The following VPS33B variants were observed in gnomAD, a reference collection of about 807,000 sequenced individuals.
The protein encoded by VPS33B is vacuolar protein sorting-associated protein 33B.
In VPS33B, 80 loss-of-function variants were observed where a neutral mutation model predicts 95.3. That is an observed-to-expected ratio of 0.84 (90% confidence interval 0.70 to 1.01). VPS33B has a LOEUF of 1.01. VPS33B is among the 50% of genes least tolerant of loss of function. The pLI is 0.00. For missense variants in VPS33B, 715 were observed against 773.4 expected, an observed-to-expected ratio of 0.92 and a Z score of 0.90; for synonymous variants, 280 against 280.4, an observed-to-expected ratio of 1.00 and a Z score of 0.01.
At position 90,998,986 on chromosome 15, in the gene VPS33B, C is replaced by G. The variant is rs763669338; in HGVS notation, c.1843G>C (p.Val615Leu). The stretch of plus-strand genomic sequence containing the variant: ...GGCCGGGAAAAACATCAGGCTTTCA[C>G]CTCACTCATGGCCTCCATAAGGCGA... ...SARLMEAMSE[V>L]KA The change falls in exon 23 of 23, where the codon GTG becomes CTG. Residue 615 changes from valine (V) to leucine (L), a missense_variant. Transcript: ENST00000333371. The surrounding 1 kb of genome is among the most constrained non-coding windows in gnomAD (Gnocchi z 4.8). 5.0e-6 allele frequency: 8 copies of G among 1,614,028 alleles called. No individual in the cohort carries two copies. The highest frequency in any genetic ancestry group is 2.7e-5 in the African/African-American group (2 of 74,920).
chr15:91,005,032 C>A lies in VPS33B; in HGVS notation c.1170+23G>T, dbSNP rs1378555216. 6.2e-7 allele frequency: 1 copy of A among 1,614,218 alleles called. No individual in the cohort carries two copies. The highest frequency in any genetic ancestry group is 2.2e-5 in the East Asian group (1 of 44,886). On this transcript the variant is annotated intron_variant, in intron 15 of 22. Coordinates refer to ENST00000333371, the MANE Select transcript of VPS33B (RefSeq NM_018668.5). This position sits in a 1 kb window ranked among gnomAD's most constrained non-coding sequence, Gnocchi z 6.4. ...CCACCTCTAAATGCCATTCTTGGCA[C>A]CCCCAGCCCTCCACCTGCGCACCTG...
chr15:91,007,750 C>T lies in VPS33B; in HGVS notation c.498+120G>A. On this transcript the variant is annotated intron_variant, in intron 7 of 22. Transcript: ENST00000333371. The surrounding 1 kb of genome is among the most constrained non-coding windows in gnomAD (Gnocchi z 5.3). Reference sequence around the variant, plus strand: ...AATCTGTAGCACTCAATCACCACATCACTATCACTTGTGATAAATTACTTG... The same window carrying T: ...AATCTGTAGCACTCAATCACCACATTACTATCACTTGTGATAAATTACTTG... 8.6e-7 allele frequency: 1 copy of T among 1,166,690 alleles called. No individual in the cohort carries two copies. Among genetic ancestry groups the T allele is most frequent in the Non-Finnish European group, 1.3e-6 (1 of 777,304 alleles). The allele number at this position is 1,166,690 out of a possible 1,614,324, so 72.3% of individuals were successfully genotyped here.
In VPS33B at chr15:91,000,137, T is replaced by G. The variant is rs1346481712; in HGVS notation, c.1582-162A>C. Among the ~76,000 whole-genome samples the G allele has an allele frequency of 1.3e-5, 2 of 152,140 alleles. No homozygotes were observed. Among genetic ancestry groups the G allele is most frequent in the African/African-American group, 4.8e-5 (2 of 41,434 alleles). On this transcript the variant is annotated intron_variant, in intron 20 of 22. Transcript: ENST00000333371. This position sits in a 1 kb window ranked among gnomAD's most constrained non-coding sequence, Gnocchi z 4.9. ...GCTCACGCCTGTAATTCCAACACTT[T>G]AGGAGTTTGAGGCGGGGGGATCACC...
rs796637381 is a variant in VPS33B at position 91,016,375 on chromosome 15, CTTTTTTTT to C, written c.239+580_239+587del. Among the ~76,000 whole-genome samples, 15 of 96,012 alleles carry C rather than the reference CTTTTTTTT, an allele frequency of 1.6e-4. No homozygotes were observed. In the South Asian group the frequency reaches 1.7e-3, roughly 11 times the overall value. The allele number at this position is 96,012 out of a possible 152,430, so 63.0% of individuals were successfully genotyped here. ...GTAATAAGAGGCCTTGCAGATTCTT[CTTTTTTTT>C]TTTTTTTTTTTTTTTTTGAGATGGA... On this transcript the variant is annotated intron_variant, in intron 3 of 22. Transcript: ENST00000333371.
Position 91,002,367 on chromosome 15 carries a change from G to A in VPS33B, c.1273-185C>T, listed in dbSNP as rs1381594153. 1.3e-5 allele frequency among the ~76,000 whole-genome samples: 2 copies of A among 152,212 alleles called. No homozygotes were observed. The highest frequency in any genetic ancestry group is 3.9e-4 in the East Asian group (2 of 5,194). Reference sequence around the variant, plus strand: ...GGGCTGGGAGCGGTGGCTCATGCCTGTAATCCCAGCACTTTGGGTTTGGGA... The same window carrying A: ...GGGCTGGGAGCGGTGGCTCATGCCTATAATCCCAGCACTTTGGGTTTGGGA... On this transcript the variant is annotated intron_variant, in intron 17 of 22. Transcript: ENST00000333371. The surrounding 1 kb of genome is among the most constrained non-coding windows in gnomAD (Gnocchi z 4.7).
rs2040942563 is a variant in VPS33B at position 91,016,873 on chromosome 15, T to C, written c.239+90A>G. Reference sequence around the variant, plus strand: ...TTGTAAAGTTCAGGGAGGTGAACCATATATCTCAGCCAAGGACAGATGAAA... The same window carrying C: ...TTGTAAAGTTCAGGGAGGTGAACCACATATCTCAGCCAAGGACAGATGAAA... On this transcript the variant is annotated intron_variant, in intron 3 of 22. Coordinates refer to ENST00000333371, the MANE Select transcript of VPS33B (RefSeq NM_018668.5). 1.7e-5 allele frequency: 22 copies of C among 1,259,272 alleles called. No homozygotes were observed. In the South Asian group the frequency reaches 2.3e-4, roughly 13 times the overall value. 78.0% of individuals were successfully genotyped at this position (1,259,272 alleles called of 1,614,324 possible).
Position 90,999,221 on chromosome 15 carries a change from TA to T in VPS33B, c.1775-168del. On this transcript the variant is annotated intron_variant, in intron 22 of 22. Transcript: ENST00000333371. This position sits in a 1 kb window ranked among gnomAD's most constrained non-coding sequence, Gnocchi z 5.1. ...GCACCACTGCTTTCTATGACTGGTA[TA>T]ACTGGGCTCCCTGCTGTGGCAGCCC... is the stretch of plus-strand genomic sequence containing the variant. 2.8e-6 allele frequency: 2 copies of T among 710,884 alleles called. No individual in the cohort carries two copies. The highest frequency in any genetic ancestry group is 5.0e-6 in the Non-Finnish European group (2 of 399,458). The allele number at this position is 710,884 out of a possible 1,614,324, so 44.0% of individuals were successfully genotyped here. A position where few individuals can be genotyped will look rare whatever the true frequency, so the allele number is the denominator to read the frequency against.
chr15:91,005,312 G>T lies in VPS33B; in HGVS notation c.1105+68C>A. On this transcript the variant is annotated intron_variant, in intron 14 of 22. Transcript: ENST00000333371. This position sits in a 1 kb window ranked among gnomAD's most constrained non-coding sequence, Gnocchi z 6.4. The stretch of plus-strand genomic sequence containing the variant: ...AAGAGCCAGAGAACATCTTTTAAGG[G>T]TGGGACGGGGCTGGGAGCTGGGGAA... 6.2e-7 allele frequency: 1 copy of T among 1,613,808 alleles called. No individual in the cohort carries two copies.
Position 91,022,376 on chromosome 15 carries a change from G to C in VPS33B, c.-127C>G. ...GCACCGACTTCCAGAGACCCCAGAT[G>C]GGCCCTCGCTCCTCAGCAGCACTCC... On this transcript the variant is annotated 5_prime_UTR_variant, in exon 1 of 23. Transcript: ENST00000333371. 1.1e-6 allele frequency: 1 copy of C among 875,448 alleles called. No homozygotes were observed. Among genetic ancestry groups the C allele is most frequent in the South Asian group, 1.8e-5 (1 of 55,990 alleles). 54.2% of individuals were successfully genotyped at this position (875,448 alleles called of 1,614,324 possible). A position where few individuals can be genotyped will look rare whatever the true frequency, so the allele number is the denominator to read the frequency against.
chr15:91,006,495 T>C lies in VPS33B; in HGVS notation c.779-50A>G, dbSNP rs776606775. 1.3e-4 allele frequency: 209 copies of C among 1,612,808 alleles called. No homozygotes were observed. The highest frequency in any genetic ancestry group is 1.8e-4 in the Non-Finnish European group (208 of 1,178,942). On this transcript the variant is annotated intron_variant, in intron 10 of 22. Coordinates refer to ENST00000333371, the MANE Select transcript of VPS33B (RefSeq NM_018668.5). The surrounding 1 kb of genome is among the most constrained non-coding windows in gnomAD (Gnocchi z 5.4). ...TAGGATCTCCAATGAGGACTTCTCC[T>C]ACCATTCCCTGAACTGCCATAAAGG...
chr15:91,005,379 C>G lies in VPS33B; in HGVS notation c.1105+1G>C. 2.5e-6 allele frequency: 4 copies of G among 1,614,152 alleles called. No homozygotes were observed. Among genetic ancestry groups the G allele is most frequent in the Non-Finnish European group, 3.4e-6 (4 of 1,180,034 alleles). ...TAGCACAGCAAGGCTGCGGCAGTTA[C>G]CATGCTCAGTCTTGATTAGCTCCTG... On this transcript the variant is annotated splice_donor_variant, in intron 14 of 22. Coordinates refer to ENST00000333371, the MANE Select transcript of VPS33B (RefSeq NM_018668.5). LOFTEE classifies it high-confidence loss of function. The surrounding 1 kb of genome is among the most constrained non-coding windows in gnomAD (Gnocchi z 6.4).
In VPS33B at chr15:91,007,814, C is replaced by T; in HGVS notation, c.498+56G>A. ...TTATATTGGTATTTCTAGCCCTCTG[C>T]ATCCCACATTTGTCCCCATCCCCTG... On this transcript the variant is annotated intron_variant, in intron 7 of 22. Coordinates refer to ENST00000333371, the MANE Select transcript of VPS33B (RefSeq NM_018668.5). The surrounding 1 kb of genome is among the most constrained non-coding windows in gnomAD (Gnocchi z 5.3). 6.6e-7 allele frequency: 1 copy of T among 1,506,580 alleles called. No individual in the cohort carries two copies. The highest frequency in any genetic ancestry group is 1.1e-5 in the South Asian group (1 of 88,900). The allele number at this position is 1,506,580 out of a possible 1,614,324, so 93.3% of individuals were successfully genotyped here.
chr15:91,004,512 TAA>T (rs2040542073), intron 16 of VPS33B, among the ~76,000 whole-genome samples: 1 of 151,990 alleles, frequency 6.6e-6, no homozygotes, highest in Non-Finnish European at 1.5e-5. Flanking sequence ...CTCAAAAAAA[TAA>T]ATAAATAAAA....
chr15:91,014,219 CAAA>C (rs61232231), intron 4 of VPS33B, among the ~76,000 whole-genome samples, 162 bp downstream of exon 4: 1 of 59,618 alleles, frequency 1.7e-5, no homozygotes, highest in Non-Finnish European at 3.6e-5. Flanking sequence ...AACTCCGTCT[CAAA>C]AAAAAAAAAA....
chr15:91,004,937 T>C lies in VPS33B; in HGVS notation c.1171-6A>G, dbSNP rs370691219. The C allele has an allele frequency of 2.5e-5, 40 of 1,614,204 alleles. No homozygotes were observed. The Admixed American group carries it at 4.3e-4, about 17-fold the overall frequency. On this transcript the variant is annotated splice_polypyrimidine_tract_variant and splice_region_variant and intron_variant, in intron 15 of 22. Coordinates refer to ENST00000333371, the MANE Select transcript of VPS33B (RefSeq NM_018668.5). Reference sequence around the variant, plus strand: ...AGGCTTTCTATAGGCGACACCTGCATAGGAAGAAAGAATCAAGGAGAATTG... The same window carrying C: ...AGGCTTTCTATAGGCGACACCTGCACAGGAAGAAAGAATCAAGGAGAATTG...
Position 90,998,781 on chromosome 15 carries a change from G to A in VPS33B, c.*194C>T. ...CAGCATGGGTTGTACTTCATAAACA[G>A]AAAAGAGAAATATCCTGGGAGCAGG... is the stretch of plus-strand genomic sequence containing the variant. On this transcript the variant is annotated 3_prime_UTR_variant, in exon 23 of 23. Transcript: ENST00000333371. The surrounding 1 kb of genome is among the most constrained non-coding windows in gnomAD (Gnocchi z 4.8). 2 of 692,564 alleles carry A rather than the reference G, an allele frequency of 2.9e-6. No homozygotes were observed. The highest frequency in any genetic ancestry group is 1.6e-5 in the South Asian group (1 of 61,108). 42.9% of individuals were successfully genotyped at this position (692,564 alleles called of 1,614,324 possible).
Position 91,005,577 on chromosome 15 carries a change from A to G in VPS33B, c.1030+117T>C. 2 of 1,577,556 alleles carry G rather than the reference A, an allele frequency of 1.3e-6. No individual in the cohort carries two copies. The highest frequency in any genetic ancestry group is 1.7e-6 in the Non-Finnish European group (2 of 1,146,876). On this transcript the variant is annotated intron_variant, in intron 13 of 22. Transcript: ENST00000333371. The surrounding 1 kb of genome is among the most constrained non-coding windows in gnomAD (Gnocchi z 6.4). Reference sequence around the variant, plus strand: ...AAGCACTTCTTCCCACTTTACACCAAGTAAGACCATATGCATCAGATGAAC... The same window carrying G: ...AAGCACTTCTTCCCACTTTACACCAGGTAAGACCATATGCATCAGATGAAC...
Position 91,013,453 on chromosome 15 carries a change from G to A in VPS33B, c.357+351C>T, listed in dbSNP as rs1339119788. On this transcript the variant is annotated intron_variant, in intron 5 of 22. Transcript: ENST00000333371. The surrounding 1 kb of genome is among the most constrained non-coding windows in gnomAD (Gnocchi z 4.5). ...GCCTAATAACAGGTGATTGGGTTAT[G>A]AGGGAGGAGTCCTCATGAATGGATT... Among the ~76,000 whole-genome samples the A allele has an allele frequency of 6.6e-6, 1 of 152,174 alleles. No homozygotes were observed. The highest frequency in any genetic ancestry group is 2.4e-5 in the African/African-American group (1 of 41,440).
chr15:91,003,868 A>C (rs575577934), intron 16 of VPS33B, among the ~76,000 whole-genome samples: 1 of 152,354 alleles, frequency 6.6e-6, no homozygotes, highest in Admixed American at 6.5e-5. Flanking sequence ...TAGAGGTAAT[A>C]ATAACTGGGA....
Sources: allele counts gnomAD v4.1 joint callset (sites outside exome capture counted in the v4.1 genomes callset), GRCh38; gene constraint gnomAD v4.1.1; non-coding constraint Gnocchi (gnomAD v3.1); transcripts MANE v1.5; gene names NCBI Gene and HGNC (gene_info 2026-07-23, HGNC 2026-07-21).